Variants in FYN observed in about 807,000 individuals in gnomAD.
The protein encoded by FYN is tyrosine-protein kinase Fyn.
Under a neutral mutation model 70.2 loss-of-function variants are expected in FYN, and 10 were observed. The ratio of observed to expected loss-of-function variants is 0.14; its 90% CI spans 0.09 to 0.24. The LOEUF is 0.24. Among genes scored for constraint, FYN ranks in the 10% least tolerant of loss-of-function variants. The pLI, the probability that FYN is intolerant of heterozygous loss-of-function variation, is 1.00. For missense variants in FYN, 319 were observed against 673.1 expected (o/e 0.47, Z 5.82); for synonymous variants, 236 against 248.6 (o/e 0.95, Z 0.48).
chr6:111,859,202 T>C (rs567378149), intron 1 of FYN, among the ~76,000 whole-genome samples: 47 of 152,208 alleles, frequency 3.1e-4, no homozygotes, highest in Non-Finnish European at 6.8e-4. Flanking sequence ...CCAGCCTGAA[T>C]ACTAGTTTCA....
At chr6:111,714,155 G>A (rs1800513366) in intron 5 of FYN, among the ~76,000 whole-genome samples, 192 bp downstream of exon 5, 1 of 152,100 alleles carries the variant, frequency 6.6e-6, no homozygotes, top group African/African-American at 2.4e-5. Flanking sequence ...AAATCTCCTT[G>A]GACACACAGT....
rs1209971993 is a variant in FYN, at chr6:111,753,256, A to C, written c.-12+27310T>G. 2.0e-5 allele frequency among the ~76,000 whole-genome samples: 3 copies of C among 152,208 alleles called. No individual in the cohort carries two copies. In the East Asian group the frequency reaches 5.8e-4, roughly 29 times the overall value. ...TTTCTATTTTGACAGGGGTCAGAGAAGTGTGGTTCTTTACAGATTTCAGTA... is the reference window on the plus strand; with the variant it reads ...TTTCTATTTTGACAGGGGTCAGAGACGTGTGGTTCTTTACAGATTTCAGTA... On this transcript the variant is annotated intron_variant, in intron 3 of 13. Coordinates refer to ENST00000354650, the MANE Select transcript of FYN (RefSeq NM_002037.5).
chr6:111,661,665 G>GCTACGGAATTGAA lies in FYN; in HGVS notation c.*61_*73dup. On this transcript the variant is annotated 3_prime_UTR_variant, in exon 14 of 14. Coordinates refer to ENST00000354650, the MANE Select transcript of FYN (RefSeq NM_002037.5). This position sits in a 1 kb window ranked among gnomAD's most constrained non-coding sequence, Gnocchi z 4.0. Reference sequence around the variant, plus strand: ...CGGTTCCGCTGCTGGGGAGCAGCTGGCTACGGAATTGAAAGCTAATGGGGA... The same window carrying GCTACGGAATTGAA: ...CGGTTCCGCTGCTGGGGAGCAGCTGGCTACGGAATTGAACTACGGAATTGAAAGCTAATGGGGA... The GCTACGGAATTGAA allele has an allele frequency of 1.4e-6, 2 of 1,398,466 alleles. No individual in the cohort carries two copies. Among genetic ancestry groups the GCTACGGAATTGAA allele is most frequent in the Non-Finnish European group, 2.0e-6 (2 of 1,011,430 alleles). The allele number at this position is 1,398,466 out of a possible 1,614,324, so 86.6% of individuals were successfully genotyped here. A position where few individuals can be genotyped will look rare whatever the true frequency, so the allele number is the denominator to read the frequency against.
rs1239251963 is a variant in FYN at position 111,723,880 on chromosome 6, G to A, written c.-11-3818C>T. Among the ~76,000 whole-genome samples the A allele has an allele frequency of 7.9e-5, 12 of 152,300 alleles. No individual in the cohort carries two copies. The East Asian group carries it at 1.3e-3, about 17-fold the overall frequency. On this transcript the variant is annotated intron_variant, in intron 3 of 13. Transcript: ENST00000354650. ...AACACTGAATGATGCCATCGTGAATGTGGAGCCCTGGAGTTACTCTGATCA... is the reference window on the plus strand; with the variant it reads ...AACACTGAATGATGCCATCGTGAATATGGAGCCCTGGAGTTACTCTGATCA...
Position 111,662,724 on chromosome 6 carries a change from C to T in FYN, c.1406-777G>A, listed in dbSNP as rs187173008. Among the ~76,000 whole-genome samples the T allele has an allele frequency of 2.1e-3, 325 of 152,314 alleles. 4 individuals carry two copies. Among genetic ancestry groups the T allele is most frequent in the South Asian group, 7.3e-3 (35 of 4,826 alleles). On this transcript the variant is annotated intron_variant, in intron 13 of 13. Coordinates refer to ENST00000354650, the MANE Select transcript of FYN (RefSeq NM_002037.5). ...ACTTCATAAATTCGTTTTCTTCATG[C>T]CTGGGCAAACTCTTAGTTCCCCACT...
chr6:111,688,643 C>T (rs1799147103), intron 12 of FYN, among the ~76,000 whole-genome samples: 1 of 151,780 alleles, frequency 6.6e-6, no homozygotes. Flanking sequence ...TGTGCTCATG[C>T]AGCGTGTGTG....
At chr6:111,810,220 T>C (rs922442113) in intron 2 of FYN, among the ~76,000 whole-genome samples, 12 of 152,160 alleles carry the variant, frequency 7.9e-5, no homozygotes, top group Non-Finnish European at 1.6e-4. Flanking sequence ...ATATACATCA[T>C]GAGGGTAAGG....
intron 2 of FYN, among the ~76,000 whole-genome samples, chr6:111,823,205 A>G (rs1237205360): frequency 6.6e-6 from 1 of 152,234 alleles, no homozygotes; most frequent in Non-Finnish European, 1.5e-5. Context: ...CATAGGCTAC[A>G]GGTGTGGGGA....
At chr6:111,862,903 G>C (rs1350004409) in intron 1 of FYN, among the ~76,000 whole-genome samples, 1 of 152,188 alleles carries the variant, frequency 6.6e-6, no homozygotes, top group Non-Finnish European at 1.5e-5. Context: ...GGGATTCCGG[G>C]AAAGGAAAAC....
At chr6:111,684,195 G>C (rs1158183050) in intron 12 of FYN, among the ~76,000 whole-genome samples, 1 of 152,214 alleles carries the variant, frequency 6.6e-6, no homozygotes, top group Middle Eastern at 3.2e-3. Context: ...TGTGAGTGGA[G>C]AAGGGACAAG....
chr6:111,857,302 T>C (rs1287194989), intron 1 of FYN, among the ~76,000 whole-genome samples: 1 of 152,206 alleles, frequency 6.6e-6, no homozygotes, highest in Non-Finnish European at 1.5e-5. Context: ...GAAATTCTAA[T>C]ACTTTCCACT....
intron 12 of FYN, among the ~76,000 whole-genome samples, chr6:111,689,364 T>C (rs1168895802): frequency 6.6e-6 from 1 of 152,230 alleles, no homozygotes; most frequent in Non-Finnish European, 1.5e-5. Flanking sequence ...TAAGTGTGTA[T>C]TCACCTTTTT....
intron 1 of FYN, among the ~76,000 whole-genome samples, chr6:111,849,551 C>T (rs911711988): frequency 3.9e-5 from 6 of 152,106 alleles, no homozygotes; most frequent in Non-Finnish European, 8.8e-5. Flanking sequence ...AGAGGAGTGG[C>T]TAGGAGGATG....
rs980392147 is a variant in FYN at position 111,762,974 on chromosome 6, C to G, written c.-12+17592G>C. 1.2e-4 allele frequency among the ~76,000 whole-genome samples: 18 copies of G among 152,200 alleles called. 1 individual carries two copies. The highest frequency in any genetic ancestry group is 2.1e-4 in the Non-Finnish European group (14 of 68,044). On this transcript the variant is annotated intron_variant, in intron 3 of 13. Coordinates refer to ENST00000354650, the MANE Select transcript of FYN (RefSeq NM_002037.5). ...ACATTTACATTTATGCTCTCCAAAG[C>G]CTTCTTCTTGGAGGTTTCATCCACA... is the stretch of plus-strand genomic sequence containing the variant.
At chr6:111,803,201 C>T (rs1401469235) in intron 2 of FYN, among the ~76,000 whole-genome samples, 1 of 152,234 alleles carries the variant, frequency 6.6e-6, no homozygotes, top group East Asian at 1.9e-4. Context: ...TTTTGGCTAA[C>T]TGGTAGTATT....
intron 13 of FYN, among the ~76,000 whole-genome samples, chr6:111,669,880 C>CGG: frequency 6.6e-6 from 1 of 151,916 alleles, no homozygotes; most frequent in East Asian, 1.9e-4. Context: ...TACACACAAA[C>CGG]GGGGGGCCCA....
chr6:111,797,955 G>A (rs773194697), intron 2 of FYN, among the ~76,000 whole-genome samples: 4 of 151,726 alleles, frequency 2.6e-5, no homozygotes, highest in Non-Finnish European at 5.9e-5. Context: ...TAGAGACGGC[G>A]TTTCATCATG....
chr6:111,699,995 T>C (rs1799761458), intron 9 of FYN, 109 bp downstream of exon 9: 1 of 907,710 alleles, frequency 1.1e-6, no homozygotes, highest in Non-Finnish European at 1.6e-6. Flanking sequence ...CTATTAGTAA[T>C]TCAAACTTTC....
intron 7 of FYN, 59 bp downstream of exon 7, chr6:111,703,940 C>A: frequency 1.5e-6 from 2 of 1,294,986 alleles, no homozygotes; most frequent in Non-Finnish European, 2.2e-6. Flanking sequence ...GCCTTTCATC[C>A]CCTCTGACTA....
Sources: allele counts gnomAD v4.1 joint callset (sites outside exome capture counted in the v4.1 genomes callset), GRCh38; gene constraint gnomAD v4.1.1; non-coding constraint Gnocchi (gnomAD v3.1); transcripts MANE v1.5; gene names NCBI Gene and HGNC (gene_info 2026-07-23, HGNC 2026-07-21).